The following CSMD3 variants were observed in gnomAD, a reference collection of about 807,000 sequenced individuals.
CSMD3 encodes CUB and Sushi multiple domains 3, also known as CUB and sushi domain-containing protein 3.
Under a neutral mutation model 435.2 loss-of-function variants are expected in CSMD3, and 177 were observed. That is an observed-to-expected ratio of 0.41 (90% confidence interval 0.36 to 0.46). The LOEUF (loss-of-function observed/expected upper bound fraction) is 0.46. CSMD3 is among the 20% of genes least tolerant of loss of function. CSMD3 has a pLI of 0.34. For synonymous variants in CSMD3, 1,656 were observed against 1,520.5 expected, an observed-to-expected ratio of 1.09 and a Z score of -2.07; for missense variants, 4,265 against 4,504.6, an observed-to-expected ratio of 0.95 and a Z score of 1.52.
At chr8:112,254,171 T>C (rs1456883225) in intron 63 of CSMD3, 82 bp downstream of exon 63, 3 of 954,196 alleles carry the variant, frequency 3.1e-6, no homozygotes, top group East Asian at 2.4e-5. Flanking sequence ...CTTTTTGTTA[T>C]GTCAACAAGA....
At chr8:112,569,878 G>A (rs571499774) in intron 24 of CSMD3, among the ~76,000 whole-genome samples, 114 of 151,780 alleles carry the variant, frequency 7.5e-4, no homozygotes, top group Non-Finnish European at 1.4e-3. Flanking sequence ...CCTTTAATAC[G>A]CCCTCCTTTA....
chr8:113,432,619 G>A (rs1234701975), intron 1 of CSMD3, among the ~76,000 whole-genome samples: 1 of 152,200 alleles, frequency 6.6e-6, no homozygotes, highest in Non-Finnish European at 1.5e-5. Context: ...AACGGATCTG[G>A]GGGACGGGGA....
intron 2 of CSMD3, chr8:113,311,026 A>G (rs2093864146): frequency 6.6e-6 from 1 of 152,010 alleles, no homozygotes; most frequent in Non-Finnish European, 1.5e-5. Context: ...ATTATTAAGG[A>G]CATACAATAT....
At chr8:113,087,696 C>T (rs1470872660) in intron 5 of CSMD3, among the ~76,000 whole-genome samples, 9 of 151,984 alleles carry the variant, frequency 5.9e-5, no homozygotes, top group Non-Finnish European at 1.3e-4. Context: ...ACACCTTATA[C>T]AAAAATTAAT....
At chr8:112,227,897 C>T (rs1812720818) in intron 70 of CSMD3, among the ~76,000 whole-genome samples, 1 of 151,932 alleles carries the variant, frequency 6.6e-6, no homozygotes, top group East Asian at 1.9e-4. Flanking sequence ...AAAAAATTAG[C>T]CGGGCATGAT....
rs2130957362 is a variant in CSMD3, at chr8:112,336,707, A to T, written c.6964T>A (p.Tyr2322Asn). ...GTTTGAAGGACAGTAAAATTGATGT[A>T]GATGCCATTCCCAGGGGGTACTCTT... ...LVRVPPGNGI[Y>N]INFTVLQTEP... The change falls in exon 44 of 71, where the codon TAC (tyrosine) becomes AAC (asparagine). Residue 2322 changes from tyrosine (Y) to asparagine (N), a missense_variant. This residue lies in a region of CSMD3 where 3,255 missense variants were observed against 3,380.2 expected (regional missense o/e 0.96). Coordinates refer to ENST00000297405, the MANE Select transcript of CSMD3 (RefSeq NM_198123.2). 1 of 1,613,320 alleles carries T rather than the reference A, an allele frequency of 6.2e-7. No individual in the cohort carries two copies. Among genetic ancestry groups the T allele is most frequent in the Non-Finnish European group, 8.5e-7 (1 of 1,179,354 alleles).
chr8:113,170,542 GAAA>G (rs2092249256), intron 4 of CSMD3, among the ~76,000 whole-genome samples: 1 of 152,090 alleles, frequency 6.6e-6, no homozygotes, highest in Non-Finnish European at 1.5e-5. Context: ...GTCCCTAGCT[GAAA>G]TTCCTTGCAC....
intron 5 of CSMD3, among the ~76,000 whole-genome samples, chr8:113,060,372 AT>A (rs1298022982): frequency 6.7e-5 from 10 of 149,922 alleles, no homozygotes; most frequent in Non-Finnish European, 1.3e-4. Flanking sequence ...TATGTGCCAC[AT>A]TTTCTTAATC....
At chr8:112,513,312 T>C (rs1478893136) in intron 28 of CSMD3, among the ~76,000 whole-genome samples, 3 of 152,216 alleles carry the variant, frequency 2.0e-5, no homozygotes, top group Non-Finnish European at 4.4e-5. Flanking sequence ...CAGTGACAGA[T>C]GTGCAACTCT....
chr8:112,378,329 C>T (rs1829149618), intron 38 of CSMD3, among the ~76,000 whole-genome samples: 1 of 151,760 alleles, frequency 6.6e-6, no homozygotes, highest in Admixed American at 6.6e-5. Context: ...CGGATATATC[C>T]AAAAGACAAA....
chr8:113,285,838 C>T (rs928170596), intron 2 of CSMD3, among the ~76,000 whole-genome samples: 1 of 152,132 alleles, frequency 6.6e-6, no homozygotes, highest in Non-Finnish European at 1.5e-5. Context: ...TGCATGTAAA[C>T]TCATACTAAT....
intron 24 of CSMD3, among the ~76,000 whole-genome samples, chr8:112,558,191 T>C (rs1283070720): frequency 6.6e-6 from 1 of 151,762 alleles, no homozygotes; most frequent in Non-Finnish European, 1.5e-5. Flanking sequence ...AAGCTAGTCA[T>C]ACAAGCCAGA....
intron 9 of CSMD3, among the ~76,000 whole-genome samples, chr8:112,946,148 A>G (rs577624411): frequency 6.6e-6 from 1 of 151,930 alleles, no homozygotes; most frequent in South Asian, 2.1e-4. Context: ...AAATCATTGG[A>G]CCAAGTAAAT....
At chr8:112,645,290 T>C (rs1005630736) in intron 19 of CSMD3, 65 bp from the exon 20 acceptor site, 4 of 886,266 alleles carry the variant, frequency 4.5e-6, no homozygotes, top group Admixed American at 3.4e-5. Context: ...AACAAATCTC[T>C]ATCTCCTCTC....
intron 32 of CSMD3, among the ~76,000 whole-genome samples, chr8:112,439,483 A>G (rs1178460208): frequency 6.6e-6 from 1 of 152,156 alleles, no homozygotes; most frequent in African/African-American, 2.4e-5. Context: ...CTTAATAATG[A>G]TAGCATAAAG....
At chr8:112,280,282 T>C (rs1031139322) in intron 59 of CSMD3, among the ~76,000 whole-genome samples, 2 of 152,016 alleles carry the variant, frequency 1.3e-5, no homozygotes, top group Non-Finnish European at 2.9e-5. Context: ...CTAAACAATT[T>C]TCTTTTGAGA....
chr8:112,319,363 A>C (rs1822773564), intron 46 of CSMD3, among the ~76,000 whole-genome samples: 1 of 152,140 alleles, frequency 6.6e-6, no homozygotes, highest in Non-Finnish European at 1.5e-5. Flanking sequence ...TGAATAATAA[A>C]AGTTTATTAC....
At chr8:113,400,606 C>A (rs1164752750) in intron 1 of CSMD3, among the ~76,000 whole-genome samples, 3 of 151,456 alleles carry the variant, frequency 2.0e-5, no homozygotes, top group Non-Finnish European at 4.4e-5. Flanking sequence ...TTAACATGGC[C>A]AAAAAGAAGA....
intron 23 of CSMD3, among the ~76,000 whole-genome samples, chr8:112,586,215 T>G (rs1830716433): frequency 6.6e-6 from 1 of 151,516 alleles, no homozygotes; most frequent in African/African-American, 2.4e-5. Context: ...TGCAGCCAAT[T>G]TGGAATAACA....
Sources: gnomAD v4.1 joint callset for allele counts (sites outside exome capture counted in the v4.1 genomes callset) on GRCh38, gnomAD v4.1.1 for gene constraint, gnomAD v4.1.1 regional missense constraint, MANE v1.5 for transcripts, NCBI Gene and HGNC (gene_info 2026-07-23, HGNC 2026-07-21) for gene names.